The following COL13A1 variants were observed in gnomAD, a reference collection of about 807,000 sequenced individuals.
COL13A1 encodes the protein collagen type XIII alpha 1 chain, also known as collagen alpha-1(XIII) chain.
COL13A1 carries 89 observed loss-of-function variants against 130.9 expected under a neutral mutation model. The observed-to-expected ratio is 0.68, with a 90% CI of 0.57 to 0.81. The LOEUF (loss-of-function observed/expected upper bound fraction) is 0.81, where lower values mean the gene tolerates loss of function less well. Ranked by LOEUF, COL13A1 falls within the 30% of genes least tolerant of loss-of-function variation. COL13A1 has a pLI of 0.00. For synonymous variants in COL13A1, 402 were observed against 341.6 expected (o/e 1.18, Z -1.95); for missense variants, 879 against 934.6 (o/e 0.94, Z 0.78).
intron 10 of COL13A1, among the ~76,000 whole-genome samples, chr10:69,892,855 C>T (rs905180179): frequency 1.3e-5 from 2 of 152,158 alleles, no homozygotes; most frequent in Admixed American, 6.5e-5. Flanking sequence ...CAAACAAAAT[C>T]CCTATGAAGA....
Position 69,925,878 on chromosome 10 carries a change from C to CA in COL13A1, c.1398+7dup. On this transcript the variant is annotated splice_region_variant and intron_variant, in intron 26 of 40. Coordinates refer to ENST00000645393, the MANE Select transcript of COL13A1 (RefSeq NM_001368882.1). Reference sequence around the variant, plus strand: ...ACATCAATGAGGCTCTCCAGGTGAGCAGGGTCCAGCCCAGAGGCCAAGATC... The same window carrying CA: ...ACATCAATGAGGCTCTCCAGGTGAGCAAGGGTCCAGCCCAGAGGCCAAGATC... 6.3e-7 allele frequency: 1 copy of CA among 1,585,132 alleles called. No individual in the cohort carries two copies. Among genetic ancestry groups the CA allele is most frequent in the South Asian group, 1.2e-5 (1 of 86,346 alleles).
chr10:69,818,605 G>A (rs1845223371), intron 1 of COL13A1, among the ~76,000 whole-genome samples: 1 of 152,228 alleles, frequency 6.6e-6, no homozygotes, highest in African/African-American at 2.4e-5. Flanking sequence ...AGCCAGTGGT[G>A]TAGCTCCACT....
intron 34 of COL13A1, among the ~76,000 whole-genome samples, chr10:69,940,252 T>C (rs1234535267): frequency 6.6e-6 from 1 of 151,864 alleles, no homozygotes; most frequent in Non-Finnish European, 1.5e-5. Flanking sequence ...GGGAAATACA[T>C]GGCCTTAGAC....
chr10:69,854,666 G>A (rs1855895771), intron 2 of COL13A1, among the ~76,000 whole-genome samples: 1 of 152,056 alleles, frequency 6.6e-6, no homozygotes, highest in Non-Finnish European at 1.5e-5. Flanking sequence ...GTTGTACTGA[G>A]ACCTGCCAAG....
intron 20 of COL13A1, 53 bp downstream of exon 20, chr10:69,919,141 G>A: frequency 6.2e-7 from 1 of 1,610,234 alleles, no homozygotes; most frequent in Non-Finnish European, 8.5e-7. Context: ...GTCATGGGCA[G>A]AGGTGGGAGG....
chr10:69,821,798 G>A (rs868683088), intron 1 of COL13A1, among the ~76,000 whole-genome samples: 14 of 152,254 alleles, frequency 9.2e-5, no homozygotes, highest in African/African-American at 2.2e-4. Flanking sequence ...CTCGAGGGTC[G>A]GGGTGTTCTA....
At chr10:69,830,915 C>T (rs955857716) in intron 2 of COL13A1, among the ~76,000 whole-genome samples, 1 of 152,142 alleles carries the variant, frequency 6.6e-6, no homozygotes, top group Non-Finnish European at 1.5e-5. Context: ...CCCTCCGACC[C>T]CCAGCCCCAG....
At chr10:69,813,970 C>T (rs2132346809) in intron 1 of COL13A1, among the ~76,000 whole-genome samples, 1 of 152,344 alleles carries the variant, frequency 6.6e-6, no homozygotes, top group Non-Finnish European at 1.5e-5. Context: ...AGGATGAGTC[C>T]TAGAGGGCTG....
At chr10:69,856,642 T>C (rs1856518930) in intron 2 of COL13A1, among the ~76,000 whole-genome samples, 1 of 152,210 alleles carries the variant, frequency 6.6e-6, no homozygotes, top group Admixed American at 6.5e-5. Context: ...AAGGAGAGGA[T>C]GTGAAGCCGT....
At chr10:69,847,788 C>G (rs536994951) in intron 2 of COL13A1, among the ~76,000 whole-genome samples, 2 of 152,348 alleles carry the variant, frequency 1.3e-5, no homozygotes, top group South Asian at 4.1e-4. Flanking sequence ...CTCTCTTTCT[C>G]CTTTCCATCT....
intron 2 of COL13A1, among the ~76,000 whole-genome samples, chr10:69,856,094 AG>A (rs1205321563): frequency 1.3e-5 from 2 of 152,266 alleles, no homozygotes; most frequent in African/African-American, 4.8e-5. Flanking sequence ...TAGCAGCTTG[AG>A]GACCAAATGT....
At chr10:69,820,543 TGGCTATCACCAGAGG>T (rs1202166511) in intron 1 of COL13A1, among the ~76,000 whole-genome samples, 1 of 152,232 alleles carries the variant, frequency 6.6e-6, no homozygotes, top group African/African-American at 2.4e-5. Context: ...GGCTCAGAGC[TGGCTATCACCAGAGG>T]GGCTATCACC....
At chr10:69,889,330 G>A in intron 9 of COL13A1, 84 bp from the exon 10 acceptor site, 4 of 1,526,698 alleles carry the variant, frequency 2.6e-6, no homozygotes, top group South Asian at 1.2e-5. Context: ...GGAGCACAGG[G>A]GGCAGGGAGG....
chr10:69,835,387 T>C (rs1405857675), intron 2 of COL13A1, among the ~76,000 whole-genome samples: 2 of 152,058 alleles, frequency 1.3e-5, no homozygotes, highest in Admixed American at 1.3e-4. Context: ...CTCTTCCTCC[T>C]GGACCCACCC....
At chr10:69,935,030 A>G (rs1349813053) in intron 31 of COL13A1, among the ~76,000 whole-genome samples, 2 of 151,988 alleles carry the variant, frequency 1.3e-5, no homozygotes, top group African/African-American at 4.8e-5. Context: ...TGTTGTTGCC[A>G]TGCATGAACA....
chr10:69,820,480 A>G (rs1228640920), intron 1 of COL13A1, among the ~76,000 whole-genome samples: 2 of 152,078 alleles, frequency 1.3e-5, no homozygotes, highest in African/African-American at 4.8e-5. Context: ...GTGGGGAGGG[A>G]TGTGGAGGCA....
chr10:69,853,128 T>G (rs760146625), intron 2 of COL13A1, among the ~76,000 whole-genome samples: 3 of 152,124 alleles, frequency 2.0e-5, no homozygotes, highest in Non-Finnish European at 4.4e-5. Flanking sequence ...CCCTGCCCCC[T>G]CTAAAAAGCA....
intron 1 of COL13A1, among the ~76,000 whole-genome samples, chr10:69,813,632 G>A (rs1310295520): frequency 6.6e-6 from 1 of 152,094 alleles, no homozygotes; most frequent in Non-Finnish European, 1.5e-5. Flanking sequence ...CACCCCCGTG[G>A]CACCCCCTCC....
At chr10:69,935,171 G>A (rs1235437531) in intron 31 of COL13A1, among the ~76,000 whole-genome samples, 179 bp from the exon 32 acceptor site, 1 of 152,108 alleles carries the variant, frequency 6.6e-6, no homozygotes, top group Non-Finnish European at 1.5e-5. Context: ...CCACCGGGTT[G>A]CTATGAGTTT....
Sources: gnomAD v4.1 joint callset for allele counts (sites outside exome capture counted in the v4.1 genomes callset) on GRCh38, gnomAD v4.1.1 for gene constraint, MANE v1.5 for transcripts, NCBI Gene and HGNC (gene_info 2026-07-23, HGNC 2026-07-21) for gene names.